C6orf89: variants seen among roughly 807,000 people sequenced by gnomAD.
The protein encoded by C6orf89 is chromosome 6 open reading frame 89.
C6orf89 carries 29 observed loss-of-function variants against 40.7 expected under a neutral mutation model. That is an observed-to-expected ratio of 0.71 (90% CI 0.53 to 0.97). The LOEUF is 0.97. C6orf89 is among the 50% of genes least tolerant of loss of function. The pLI is 0.00. For synonymous variants in C6orf89, 165 were observed against 152.2 expected (o/e 1.08, Z -0.62); for missense variants, 392 against 429.1 (o/e 0.91, Z 0.76).
chr6:36,924,448 A>G lies in C6orf89; in HGVS notation c.*1007A>G, dbSNP rs1428409336. On this transcript the variant is annotated 3_prime_UTR_variant, in exon 9 of 9. Transcript: ENST00000480824. ...AAAGTGTTTGTCAGCTGGGTGTACAACTGCCTATGTGATCCTCTGTCTTAA... is the reference window on the plus strand; with the variant it reads ...AAAGTGTTTGTCAGCTGGGTGTACAGCTGCCTATGTGATCCTCTGTCTTAA... The G allele has an allele frequency of 6.6e-6, 1 of 152,228 alleles. No homozygotes were observed. Among genetic ancestry groups the G allele is most frequent in the African/African-American group, 2.4e-5 (1 of 41,446 alleles). 9.4% of individuals were successfully genotyped at this position (152,228 alleles called of 1,614,324 possible).
In C6orf89 at chr6:36,899,611, C is replaced by G; in HGVS notation, c.167C>G (p.Pro56Arg). ...CCTCAGAGACCCCCCCCGCAGTATC[C>G]TCTCCTTATAGTTGTGTATAAGGTA... ...NEPQRPPPQY[P>R]LLIVVYKVLA... Residue 56 changes from proline (P) to arginine (R), a missense_variant, in exon 3 of 9, where the codon CCT becomes CGT. Physicochemically the swap from Pro to Arg is moderately radical, Grantham distance 103 (BLOSUM62 -2). Coordinates refer to ENST00000480824, the MANE Select transcript of C6orf89 (RefSeq NM_001286635.2). The G allele has an allele frequency of 6.2e-7, 1 of 1,614,154 alleles. No individual in the cohort carries two copies. Among genetic ancestry groups the G allele is most frequent in the Non-Finnish European group, 8.5e-7 (1 of 1,180,022 alleles).
upstream of C6orf89, among the ~76,000 whole-genome samples, chr6:36,885,261 T>A (rs6914008): frequency 0.5 from 75,705 of 152,072 alleles, 19,477 homozygotes; most frequent in East Asian, 0.67. Context: ...GAATGTTCAA[T>A]CTGCGTTCAA....
chr6:36,912,979 T>G (rs1684904628), intron 4 of C6orf89, among the ~76,000 whole-genome samples: 1 of 152,260 alleles, frequency 6.6e-6, no homozygotes, highest in African/African-American at 2.4e-5. Context: ...TTATCATTTG[T>G]CGTAGGCTCT....
At chr6:36,906,675 G>A (rs1278134746) in intron 4 of C6orf89, among the ~76,000 whole-genome samples, 2 of 152,196 alleles carry the variant, frequency 1.3e-5, no homozygotes, top group African/African-American at 2.4e-5. Flanking sequence ...CCTCTACGGT[G>A]TGTGAAAATG....
intron 1 of C6orf89, among the ~76,000 whole-genome samples, chr6:36,887,223 T>C (rs1182769133): frequency 6.6e-6 from 1 of 152,004 alleles, no homozygotes; most frequent in Non-Finnish European, 1.5e-5. Context: ...CACACCATTC[T>C]CCTGCCTCAG....
At chr6:36,896,299 G>C (rs1761429058) in intron 2 of C6orf89, among the ~76,000 whole-genome samples, 1 of 152,000 alleles carries the variant, frequency 6.6e-6, no homozygotes, top group Admixed American at 6.6e-5. Flanking sequence ...GTAGAGACAG[G>C]GTTTCACCAT....
At chr6:36,890,905 A>T (rs779570905) in intron 1 of C6orf89, among the ~76,000 whole-genome samples, 1 of 152,118 alleles carries the variant, frequency 6.6e-6, no homozygotes, top group Non-Finnish European at 1.5e-5. Flanking sequence ...AAATCGTATT[A>T]ATCATTTCAA....
At chr6:36,895,820 AG>A (rs1455907188) in intron 2 of C6orf89, among the ~76,000 whole-genome samples, 1 of 152,196 alleles carries the variant, frequency 6.6e-6, no homozygotes, top group African/African-American at 2.4e-5. Context: ...TTTGTGCACA[AG>A]TTTTTGTGTG....
chr6:36,874,839 G>A, intron 1 of C6orf89: 1 of 1,551,318 alleles, frequency 6.4e-7, no homozygotes, highest in East Asian at 2.3e-5. Flanking sequence ...CTGGGGACCC[G>A]TCGCTGCTGC....
intron 1 of C6orf89, chr6:36,892,820 A>C (rs1761259095): frequency 6.6e-6 from 1 of 152,268 alleles, no homozygotes; most frequent in Admixed American, 6.5e-5. Context: ...CCTGTAGCAA[A>C]GCTCACTTTG....
intron 1 of C6orf89, chr6:36,874,797 G>A: frequency 1.2e-6 from 2 of 1,613,338 alleles, no homozygotes; most frequent in Middle Eastern, 1.7e-4. Flanking sequence ...CGGAATGCTT[G>A]TCTAGTAATT....
intron 8 of C6orf89, among the ~76,000 whole-genome samples, chr6:36,922,652 C>A (rs1055951181): frequency 6.6e-6 from 1 of 152,184 alleles, no homozygotes; most frequent in African/African-American, 2.4e-5. Context: ...CTTGGGGAAA[C>A]CTAGTGTTTC....
Position 36,927,501 on chromosome 6 carries a change from T to C in C6orf89, c.*4060T>C, listed in dbSNP as rs1442665374. On this transcript the variant is annotated 3_prime_UTR_variant, in exon 9 of 9. Transcript: ENST00000480824. The stretch of plus-strand genomic sequence containing the variant: ...TTGTCTACCTTTCGAGAATCAGTTA[T>C]AAACAGAAGGGCCTCTTAGGATTTT... 2 of 152,242 alleles carry C rather than the reference T, an allele frequency of 1.3e-5. No individual in the cohort carries two copies. Among genetic ancestry groups the C allele is most frequent in the Non-Finnish European group, 2.9e-5 (2 of 68,044 alleles). 9.4% of individuals were successfully genotyped at this position (152,242 alleles called of 1,614,324 possible).
chr6:36,874,750 G>T (rs745547920), intron 1 of C6orf89: 3 of 1,614,156 alleles, frequency 1.9e-6, no homozygotes, highest in Non-Finnish European at 1.7e-6. Context: ...TGGCTGCCAG[G>T]AATCTGGGGG....
Position 36,923,735 on chromosome 6 carries a change from T to C in C6orf89, c.*294T>C, listed in dbSNP as rs1762591337. ...CCTTTGGACACTATGACCTTGATGC[T>C]GCCCTTCAGGCAGGAAACAGGGCTG... On this transcript the variant is annotated 3_prime_UTR_variant, in exon 9 of 9. Transcript: ENST00000480824. 5 of 393,012 alleles carry C rather than the reference T, an allele frequency of 1.3e-5. No individual in the cohort carries two copies. Among genetic ancestry groups the C allele is most frequent in the South Asian group, 6.3e-5 (3 of 47,968 alleles). The allele number at this position is 393,012 out of a possible 1,614,324, so 24.3% of individuals were successfully genotyped here.
chr6:36,893,722 G>A (rs1761311894), intron 1 of C6orf89, among the ~76,000 whole-genome samples: 1 of 152,146 alleles, frequency 6.6e-6, no homozygotes, highest in Admixed American at 6.5e-5. Flanking sequence ...CTTTAGGCCA[G>A]GAGTTTGAGA....
At chr6:36,889,916 A>T (rs1364000357) in intron 1 of C6orf89, among the ~76,000 whole-genome samples, 1 of 152,236 alleles carries the variant, frequency 6.6e-6, no homozygotes, top group African/African-American at 2.4e-5. Flanking sequence ...TTCTGGTAAA[A>T]ACAGAAAGAA....
intron 7 of C6orf89, among the ~76,000 whole-genome samples, chr6:36,917,014 C>T (rs1160609708): frequency 2.0e-5 from 3 of 151,912 alleles, no homozygotes; most frequent in African/African-American, 4.8e-5. Flanking sequence ...GAGTTTCAGA[C>T]CAGCCTGGGC....
At position 36,919,686 on chromosome 6, in the gene C6orf89, G is replaced by A. The variant is rs779259424; in HGVS notation, c.934G>A (p.Glu312Lys). The A allele has an allele frequency of 1.7e-5, 28 of 1,613,448 alleles. No homozygotes were observed. The highest frequency in any genetic ancestry group is 2.2e-5 in the Non-Finnish European group (26 of 1,179,536). The part of the protein sequence containing the change: ...RHCQSVAMPI[E>K]PGDIGYVDTT... ...TTGTCAGTCTGTGGCCATGCCAATA[G>A]AGCCAGGGGATATCGGTATGTAGGG... Residue 312 changes from glutamate to lysine, a missense_variant, in exon 8 of 9, where the codon GAG (glutamate) becomes AAG (lysine). Glu to Lys is a moderately conservative substitution (Grantham distance 56, BLOSUM62 1). Coordinates refer to ENST00000480824, the MANE Select transcript of C6orf89 (RefSeq NM_001286635.2).
Sources: gnomAD v4.1 joint callset for allele counts (sites outside exome capture counted in the v4.1 genomes callset) on GRCh38, gnomAD v4.1.1 for gene constraint, MANE v1.5 for transcripts, NCBI Gene and HGNC (gene_info 2026-07-23, HGNC 2026-07-21) for gene names.